The following UBAP1 variants were observed in gnomAD, a reference collection of about 807,000 sequenced individuals.
The protein encoded by UBAP1 is ubiquitin-associated protein 1.
UBAP1 carries 5 observed loss-of-function variants against 39.0 expected under a neutral mutation model. The observed-to-expected ratio is 0.13, with a 90% confidence interval of 0.07 to 0.27. The LOEUF (loss-of-function observed/expected upper bound fraction) is 0.27, where lower values mean the gene tolerates loss of function less well. Among genes scored for constraint, UBAP1 ranks in the 10% least tolerant of loss-of-function variants. The pLI is 1.00. For missense variants in UBAP1, 490 were observed against 608.1 expected (o/e 0.81, Z 2.04); for synonymous variants, 211 against 225.1 (o/e 0.94, Z 0.56).
chr9:34,211,940 A>G lies in UBAP1; in HGVS notation c.-7-8968A>G, dbSNP rs377195120. 5 of 372,050 alleles carry G rather than the reference A, an allele frequency of 1.3e-5. No homozygotes were observed. The East Asian group carries it at 3.2e-4, about 24-fold the overall frequency. 23.0% of individuals were successfully genotyped at this position (372,050 alleles called of 1,614,324 possible). A position where few individuals can be genotyped will look rare whatever the true frequency, so the allele number is the denominator to read the frequency against. On this transcript the variant is annotated intron_variant, in intron 1 of 6. Coordinates refer to ENST00000297661, the MANE Select transcript of UBAP1 (RefSeq NM_016525.5). The stretch of plus-strand genomic sequence containing the variant: ...TGAAGTGATACTGAGCTGGAAAAAT[A>G]GAATATCACTGATAAGTTGTTGGTT...
intron 2 of UBAP1, chr9:34,224,082 A>G: frequency 1.5e-6 from 1 of 676,852 alleles, no homozygotes; most frequent in Non-Finnish European, 2.4e-6. Context: ...CCCGGCCTTG[A>G]AGTGATGCAC....
rs2131642058 is a variant in UBAP1, at chr9:34,252,081, T to C, written c.*549T>C. ...TATCTCTGAGGTGCAAAGAATGCAC[T>C]TTTCCCTATGGGGCCCAGAGTTTGC... On this transcript the variant is annotated 3_prime_UTR_variant, in exon 7 of 7. Coordinates refer to ENST00000297661, the MANE Select transcript of UBAP1 (RefSeq NM_016525.5). 1 of 152,930 alleles carries C rather than the reference T, an allele frequency of 6.5e-6. No individual in the cohort carries two copies. Among genetic ancestry groups the C allele is most frequent in the Admixed American group, 6.5e-5 (1 of 15,314 alleles). The allele number at this position is 152,930 out of a possible 1,614,324, so 9.5% of individuals were successfully genotyped here. A position where few individuals can be genotyped will look rare whatever the true frequency, so the allele number is the denominator to read the frequency against.
At chr9:34,238,251 T>TCA (rs1035067643) in intron 3 of UBAP1, among the ~76,000 whole-genome samples, 10 of 152,254 alleles carry the variant, frequency 6.6e-5, no homozygotes, top group Admixed American at 3.3e-4. Context: ...ACACTTTGTT[T>TCA]ATCTGTTCAT....
At chr9:34,231,925 C>T (rs2131603487) in intron 2 of UBAP1, among the ~76,000 whole-genome samples, 1 of 152,202 alleles carries the variant, frequency 6.6e-6, no homozygotes, top group African/African-American at 2.4e-5. Context: ...GCCACTGTGC[C>T]CGGCCGGGAC....
intron 1 of UBAP1, among the ~76,000 whole-genome samples, chr9:34,183,505 A>G (rs959002412): frequency 1.3e-5 from 2 of 150,832 alleles, no homozygotes; most frequent in Non-Finnish European, 3.0e-5. Context: ...GTGAGCTGAG[A>G]TAGTGCCACT....
intron 1 of UBAP1, among the ~76,000 whole-genome samples, chr9:34,198,340 G>A (rs1226109361): frequency 6.6e-6 from 1 of 152,150 alleles, no homozygotes; most frequent in Non-Finnish European, 1.5e-5. Context: ...TGATTTTTTT[G>A]CCTGGATGGG....
chr9:34,231,388 G>C (rs907129896), intron 2 of UBAP1, among the ~76,000 whole-genome samples: 1 of 151,480 alleles, frequency 6.6e-6, no homozygotes, highest in African/African-American at 2.4e-5. Context: ...CTAATTTCTT[G>C]TATTTTTAGT....
At chr9:34,190,633 CTTTTT>C (rs563281159) in intron 1 of UBAP1, among the ~76,000 whole-genome samples, 3 of 129,480 alleles carry the variant, frequency 2.3e-5, no homozygotes, top group Non-Finnish European at 1.7e-5. Flanking sequence ...TTCTTTCTTT[CTTTTT>C]TTTTTTTTTT....
intron 2 of UBAP1, among the ~76,000 whole-genome samples, chr9:34,232,653 T>TGATGC (rs1184271171): frequency 2.0e-5 from 3 of 151,954 alleles, no homozygotes; most frequent in Admixed American, 2.0e-4. Context: ...GAAATGGGAG[T>TGATGC]GATGACAAGA....
At chr9:34,189,689 TGCAATGGTA>T in intron 1 of UBAP1, among the ~76,000 whole-genome samples, 2 of 152,170 alleles carry the variant, frequency 1.3e-5, no homozygotes, top group South Asian at 4.1e-4. Flanking sequence ...CAGGCTGGAG[TGCAATGGTA>T]CAATCTTGGC....
At chr9:34,192,655 G>C (rs1409102256) in intron 1 of UBAP1, among the ~76,000 whole-genome samples, 2 of 151,430 alleles carry the variant, frequency 1.3e-5, no homozygotes, top group African/African-American at 4.9e-5. Flanking sequence ...GCCCAGTTTG[G>C]TCTCAAACTC....
chr9:34,243,489 CT>C (rs971182110), intron 4 of UBAP1, among the ~76,000 whole-genome samples: 335 of 140,894 alleles, frequency 2.4e-3, no homozygotes, highest in Non-Finnish European at 2.4e-3. Context: ...TTTCTTTTTT[CT>C]TTTTTTTTTT....
rs557712254 is a variant in UBAP1, at chr9:34,185,319, G to A, written c.-8+6079G>A. 1.7e-3 allele frequency among the ~76,000 whole-genome samples: 261 copies of A among 152,216 alleles called. 2 individuals are homozygous for A. The highest frequency in any genetic ancestry group is 3.3e-3 in the Non-Finnish European group (222 of 68,016). On this transcript the variant is annotated intron_variant, in intron 1 of 6. Transcript: ENST00000297661. Reference sequence around the variant, plus strand: ...TCCCAGCAGTTTGGGAATCCCAGGCGGGCGGATTGCTTGAGCCCAGAAGTT... The same window carrying A: ...TCCCAGCAGTTTGGGAATCCCAGGCAGGCGGATTGCTTGAGCCCAGAAGTT...
intron 1 of UBAP1, among the ~76,000 whole-genome samples, chr9:34,207,989 G>T (rs1332024126): frequency 6.6e-6 from 1 of 152,042 alleles, no homozygotes; most frequent in Non-Finnish European, 1.5e-5. Flanking sequence ...TGTCCTTCGT[G>T]GGAATACTTC....
At chr9:34,226,417 A>G (rs150681857) in intron 2 of UBAP1, among the ~76,000 whole-genome samples, 1,769 of 151,980 alleles carry the variant, frequency 0.012, 14 homozygotes, top group Non-Finnish European at 0.018. Context: ...TTGTATTTTT[A>G]GTAGAGACAG....
intron 1 of UBAP1, among the ~76,000 whole-genome samples, chr9:34,187,829 TTAA>T (rs1165016360): frequency 3.3e-5 from 5 of 151,040 alleles, no homozygotes; most frequent in Non-Finnish European, 5.9e-5. Flanking sequence ...TTTGCTTTTT[TTAA>T]AAAAAAAAAC....
In UBAP1 at chr9:34,179,051, G is replaced by C; in HGVS notation, c.-197G>C. ...GGTGAGGGGAAGGAGGAGGGAAGTAGGACTTCAACATGGCGGCTGCGGCAC... is the reference window on the plus strand; with the variant it reads ...GGTGAGGGGAAGGAGGAGGGAAGTACGACTTCAACATGGCGGCTGCGGCAC... On this transcript the variant is annotated 5_prime_UTR_variant, in exon 1 of 7. Transcript: ENST00000297661. 1.6e-6 allele frequency: 2 copies of C among 1,272,428 alleles called. No homozygotes were observed. The highest frequency in any genetic ancestry group is 2.0e-6 in the Non-Finnish European group (2 of 1,008,100). 78.8% of individuals were successfully genotyped at this position (1,272,428 alleles called of 1,614,324 possible). A position where few individuals can be genotyped will look rare whatever the true frequency, so the allele number is the denominator to read the frequency against.
chr9:34,236,094 A>G (rs917887818), intron 3 of UBAP1, among the ~76,000 whole-genome samples: 3 of 151,762 alleles, frequency 2.0e-5, no homozygotes, highest in African/African-American at 7.3e-5. Context: ...TCCTGACTTC[A>G]GTTGATCCGC....
At chr9:34,206,761 G>A (rs1054633800) in intron 1 of UBAP1, among the ~76,000 whole-genome samples, 1 of 152,052 alleles carries the variant, frequency 6.6e-6, no homozygotes, top group Non-Finnish European at 1.5e-5. Context: ...GATCCATCTG[G>A]AATTTATCTT....
Sources: allele counts gnomAD v4.1 joint callset (sites outside exome capture counted in the v4.1 genomes callset), GRCh38; gene constraint gnomAD v4.1.1; transcripts MANE v1.5; gene names NCBI Gene and HGNC (gene_info 2026-07-23, HGNC 2026-07-21).